CLDN8: variants seen among roughly 807,000 people sequenced by gnomAD.
CLDN8 encodes claudin-8.
A neutral mutation model predicts 2.2 loss-of-function variants in CLDN8; 2 were observed. The ratio of observed to expected loss-of-function variants is 0.90; its 90% CI spans 0.37 to 2.82. CLDN8 has a LOEUF of 2.82. CLDN8 is among the 30% of genes most tolerant of loss of function. The pLI is 0.10. For missense variants in CLDN8, 314 were observed against 280.5 expected, an observed-to-expected ratio of 1.12 and a Z score of -0.85; for synonymous variants, 107 against 104.8, an observed-to-expected ratio of 1.02 and a Z score of -0.13.
In CLDN8 at chr21:30,215,869, C is replaced by T. The variant is rs756482500; in HGVS notation, c.57G>A (p.Val19=). Residue 19 remains valine (V), a synonymous_variant, in exon 1 of 1, where the codon GTG becomes GTA. Coordinates refer to ENST00000399899, the MANE Select transcript of CLDN8 (RefSeq NM_199328.3). ...AGLFLGGVGM[V]GTVAVTVMPQ... ...GCATGACAGTGACAGCCACTGTGCC[C>T]ACCATTCCAACACCACCAAGAAACA... 2 of 1,613,406 alleles carry T rather than the reference C, an allele frequency of 1.2e-6. No individual in the cohort carries two copies. The highest frequency in any genetic ancestry group is 1.7e-6 in the Non-Finnish European group (2 of 1,179,602).
In CLDN8 at chr21:30,215,887, A is replaced by G; in HGVS notation, c.39T>C (p.Leu13=). 6.2e-7 allele frequency: 1 copy of G among 1,610,274 alleles called. No homozygotes were observed. Among genetic ancestry groups the G allele is most frequent in the Non-Finnish European group, 8.5e-7 (1 of 1,178,236 alleles). ...THALEIAGLF[L]GGVGMVGTVA... ...CTGTGCCCACCATTCCAACACCACCAAGAAACAGCCCAGCGATTTCTAAGG... is the reference window on the plus strand; with the variant it reads ...CTGTGCCCACCATTCCAACACCACCGAGAAACAGCCCAGCGATTTCTAAGG... Residue 13 remains leucine (L), a synonymous_variant, in exon 1 of 1, where the codon CTT becomes CTC. Coordinates refer to ENST00000399899, the MANE Select transcript of CLDN8 (RefSeq NM_199328.3).
chr21:30,215,068 A>C lies in CLDN8; in HGVS notation c.*180T>G. The C allele has an allele frequency of 1.7e-6, 1 of 586,850 alleles. No homozygotes were observed. The highest frequency in any genetic ancestry group is 2.3e-5 in the South Asian group (1 of 43,368). 36.4% of individuals were successfully genotyped at this position (586,850 alleles called of 1,614,324 possible). A position where few individuals can be genotyped will look rare whatever the true frequency, so the allele number is the denominator to read the frequency against. On this transcript the variant is annotated 3_prime_UTR_variant, in exon 1 of 1. Transcript: ENST00000399899. ...CTAGAACAATCAAAGCATTGGGTTT[A>C]ATATCTCATTCTGCTGAAATAGCTT... is the stretch of plus-strand genomic sequence containing the variant.
chr21:30,215,908 T>G lies in CLDN8; in HGVS notation c.18A>C (p.Leu6Phe). The change falls in exon 1 of 1, where the codon TTA (leucine) becomes TTC (phenylalanine). Residue 6 changes from leucine to phenylalanine, a missense_variant. Leu to Phe is a conservative substitution (Grantham distance 22). Transcript: ENST00000399899. MATHA[L>F]EIAGLFLGGV... ...CACCAAGAAACAGCCCAGCGATTTC[T>G]AAGGCATGGGTTGCCATTATCCTCT... The G allele has an allele frequency of 6.2e-7, 1 of 1,607,322 alleles. No individual in the cohort carries two copies. Among genetic ancestry groups the G allele is most frequent in the Non-Finnish European group, 8.5e-7 (1 of 1,176,322 alleles).
chr21:30,215,896 C>A lies in CLDN8; in HGVS notation c.30G>T (p.Gly10=), dbSNP rs1337945344. ...CCATTCCAACACCACCAAGAAACAG[C>A]CCAGCGATTTCTAAGGCATGGGTTG... MATHALEIA[G]LFLGGVGMVG... The change falls in exon 1 of 1, where the codon GGG becomes GGT. Residue 10 remains glycine, a synonymous_variant. Transcript: ENST00000399899. The A allele has an allele frequency of 4.3e-6, 7 of 1,609,492 alleles. No homozygotes were observed. The highest frequency in any genetic ancestry group is 5.1e-6 in the Non-Finnish European group (6 of 1,177,680).
In CLDN8 at chr21:30,214,149, A is replaced by G. The variant is rs1214385614; in HGVS notation, c.*1099T>C. ...AAATTTGGAATAAACAGAAAAATAC[A>G]GTATTTACAGATTTTAGTAAAACTA... On this transcript the variant is annotated 3_prime_UTR_variant, in exon 1 of 1. Transcript: ENST00000399899. 1 of 152,196 alleles carries G rather than the reference A, an allele frequency of 6.6e-6. No individual in the cohort carries two copies. Among genetic ancestry groups the G allele is most frequent in the African/African-American group, 2.4e-5 (1 of 41,470 alleles). The allele number at this position is 152,196 out of a possible 1,614,324, so 9.4% of individuals were successfully genotyped here. A position where few individuals can be genotyped will look rare whatever the true frequency, so the allele number is the denominator to read the frequency against.
Position 30,215,871 on chromosome 21 carries a change from C to T in CLDN8, c.55G>A (p.Val19Met). 6.2e-7 allele frequency: 1 copy of T among 1,613,442 alleles called. No individual in the cohort carries two copies. The change falls in exon 1 of 1, where the codon GTG becomes ATG. Residue 19 changes from valine to methionine, a missense_variant. Physicochemically the swap from Val to Met is conservative, Grantham distance 21. Transcript: ENST00000399899. ...AGLFLGGVGM[V>M]GTVAVTVMPQ... ...ATGACAGTGACAGCCACTGTGCCCACCATTCCAACACCACCAAGAAACAGC... is the reference window on the plus strand; with the variant it reads ...ATGACAGTGACAGCCACTGTGCCCATCATTCCAACACCACCAAGAAACAGC...
rs760500803 is a variant in CLDN8, at chr21:30,215,942, T to G, written c.-17A>C. 2.5e-6 allele frequency: 4 copies of G among 1,576,288 alleles called. No homozygotes were observed. In the South Asian group the frequency reaches 4.7e-5, roughly 18 times the overall value. On this transcript the variant is annotated 5_prime_UTR_variant, in exon 1 of 1. Coordinates refer to ENST00000399899, the MANE Select transcript of CLDN8 (RefSeq NM_199328.3). The stretch of plus-strand genomic sequence containing the variant: ...GGTTGCCATTATCCTCTGGGATGAG[T>G]TTTAGCCAGCTGGACTCCGGAACTG...
At position 30,215,476 on chromosome 21, in the gene CLDN8, G is replaced by T; in HGVS notation, c.450C>A (p.Asn150Lys). 6.2e-7 allele frequency: 1 copy of T among 1,614,024 alleles called. No individual in the cohort carries two copies. Among genetic ancestry groups the T allele is most frequent in the Non-Finnish European group, 8.5e-7 (1 of 1,179,964 alleles). The change falls in exon 1 of 1, where the codon AAC becomes AAA. Residue 150 changes from asparagine (N) to lysine (K), a missense_variant. By Grantham distance (94) the Asn-to-Lys change is moderately conservative (BLOSUM62 0). Coordinates refer to ENST00000399899, the MANE Select transcript of CLDN8 (RefSeq NM_199328.3). ...GTTTTTGGGCAACATTCACTATTGA[G>T]TTATAGAAATCTCTGATGATGGCAT... ...VANAIIRDFY[N>K]SIVNVAQKRE...
In CLDN8 at chr21:30,215,520, G is replaced by A; in HGVS notation, c.406C>T (p.Pro136Ser). 6.2e-7 allele frequency: 1 copy of A among 1,614,010 alleles called. No individual in the cohort carries two copies. The highest frequency in any genetic ancestry group is 8.5e-7 in the Non-Finnish European group (1 of 1,179,986). The change falls in exon 1 of 1, where the codon CCT becomes TCT. Residue 136 changes from proline to serine, a missense_variant. Coordinates refer to ENST00000399899, the MANE Select transcript of CLDN8 (RefSeq NM_199328.3). ...FIITGMVVLI[P>S]VSWVANAIIR... ...ATGGCATTGGCAACCCAGCTCACAG[G>A]GATGAGCACCACCATGCCCGTGATG...
Position 30,214,736 on chromosome 21 carries a change from A to G in CLDN8, c.*512T>C, listed in dbSNP as rs1978891600. 6.5e-6 allele frequency: 1 copy of G among 153,138 alleles called. No homozygotes were observed. Among genetic ancestry groups the G allele is most frequent in the Admixed American group, 6.5e-5 (1 of 15,334 alleles). The allele number at this position is 153,138 out of a possible 1,614,324, so 9.5% of individuals were successfully genotyped here. A position where few individuals can be genotyped will look rare whatever the true frequency, so the allele number is the denominator to read the frequency against. ...TTTTAATCTTCATTATAAATGGAGG[A>G]CATTAATCCCTAAGCTGTTTTTAAA... On this transcript the variant is annotated 3_prime_UTR_variant, in exon 1 of 1. Transcript: ENST00000399899.
In CLDN8 at chr21:30,215,333, G is replaced by C. The variant is rs756242497; in HGVS notation, c.593C>G (p.Ser198Trp). The part of the protein sequence containing the change: ...CNEKSSSYRY[S>W]IPSHRTTQKS... ...TTGGGTTGTGCGATGGGAAGGTATC[G>C]AGTATCTGTAGCTACTGCTCTTTTC... Residue 198 changes from serine (S) to tryptophan (W), a missense_variant, in exon 1 of 1, where the codon TCG becomes TGG. Ser to Trp is a radical substitution (Grantham distance 177). Coordinates refer to ENST00000399899, the MANE Select transcript of CLDN8 (RefSeq NM_199328.3). 1 of 1,614,118 alleles carries C rather than the reference G, an allele frequency of 6.2e-7. No individual in the cohort carries two copies. Among genetic ancestry groups the C allele is most frequent in the Non-Finnish European group, 8.5e-7 (1 of 1,180,012 alleles).
At position 30,215,009 on chromosome 21, in the gene CLDN8, T is replaced by A; in HGVS notation, c.*239A>T. 2.1e-6 allele frequency: 1 copy of A among 479,828 alleles called. No homozygotes were observed. The highest frequency in any genetic ancestry group is 3.7e-6 in the Non-Finnish European group (1 of 269,756). 29.7% of individuals were successfully genotyped at this position (479,828 alleles called of 1,614,324 possible). On this transcript the variant is annotated 3_prime_UTR_variant, in exon 1 of 1. Coordinates refer to ENST00000399899, the MANE Select transcript of CLDN8 (RefSeq NM_199328.3). ...AGTAAATGATAAAAAGAGTAGATGC[T>A]TGAACCACCTTAGAAAACAAATTAC...
rs1978954129 is a variant in CLDN8, at chr21:30,215,696, A to G, written c.230T>C (p.Leu77Pro). Residue 77 changes from leucine to proline, a missense_variant, in exon 1 of 1, where the codon CTA becomes CCA. Physicochemically the swap from Leu to Pro is moderately conservative, Grantham distance 98 (BLOSUM62 -3). Coordinates refer to ENST00000399899, the MANE Select transcript of CLDN8 (RefSeq NM_199328.3). ...YDSLLALSPD[L>P]QAARGLMCAA... is the part of the protein sequence containing the mutation. The stretch of plus-strand genomic sequence containing the variant: ...ACACATCAGTCCTCTGGCTGCCTGT[A>G]GGTCCGGAGAAAGAGCCAGCAGGGA... 6.2e-7 allele frequency: 1 copy of G among 1,614,050 alleles called. No homozygotes were observed. The highest frequency in any genetic ancestry group is 8.5e-7 in the Non-Finnish European group (1 of 1,180,032).
rs986413133 is a variant in CLDN8 at position 30,215,831 on chromosome 21, A to G, written c.95T>C (p.Val32Ala). ...GATGTTGTTTTCAATGAAGGCCGAC[A>G]CTCTCCACTGAGGCATGACAGTGAC... ...VAVTVMPQWR[V>A]SAFIENNIVV... The change falls in exon 1 of 1, where the codon GTG becomes GCG. Residue 32 changes from valine to alanine, a missense_variant. Transcript: ENST00000399899. 6.2e-7 allele frequency: 1 copy of G among 1,613,832 alleles called. No individual in the cohort carries two copies. Among genetic ancestry groups the G allele is most frequent in the African/African-American group, 1.3e-5 (1 of 74,952 alleles).
Position 30,215,320 on chromosome 21 carries a change from A to G in CLDN8, c.606T>C (p.His202=). The G allele has an allele frequency of 6.2e-7, 1 of 1,614,116 alleles. No homozygotes were observed. The highest frequency in any genetic ancestry group is 8.5e-7 in the Non-Finnish European group (1 of 1,180,004). Residue 202 remains histidine, a synonymous_variant, in exon 1 of 1, where the codon CAT becomes CAC. Transcript: ENST00000399899. ...SSSYRYSIPS[H]RTTQKSYHTG... Reference sequence around the variant, plus strand: ...TGTGATAACTTTTTTGGGTTGTGCGATGGGAAGGTATCGAGTATCTGTAGC... The same window carrying G: ...TGTGATAACTTTTTTGGGTTGTGCGGTGGGAAGGTATCGAGTATCTGTAGC...
chr21:30,214,730 T>G lies in CLDN8; in HGVS notation c.*518A>C, dbSNP rs1978891133. On this transcript the variant is annotated 3_prime_UTR_variant, in exon 1 of 1. Transcript: ENST00000399899. ...CCTTCATTTTAATCTTCATTATAAA[T>G]GGAGGACATTAATCCCTAAGCTGTT... 1 of 153,058 alleles carries G rather than the reference T, an allele frequency of 6.5e-6. No homozygotes were observed. Among genetic ancestry groups the G allele is most frequent in the Non-Finnish European group, 1.5e-5 (1 of 68,346 alleles). The allele number at this position is 153,058 out of a possible 1,614,324, so 9.5% of individuals were successfully genotyped here. A position where few individuals can be genotyped will look rare whatever the true frequency, so the allele number is the denominator to read the frequency against.
rs778285222 is a variant in CLDN8 at position 30,215,498 on chromosome 21, G to A, written c.428C>T (p.Ala143Val). 1.2e-6 allele frequency: 2 copies of A among 1,613,838 alleles called. No homozygotes were observed. The highest frequency in any genetic ancestry group is 1.7e-6 in the Non-Finnish European group (2 of 1,179,954). Residue 143 changes from alanine (A) to valine (V), a missense_variant, in exon 1 of 1, where the codon GCC (alanine) becomes GTC (valine). Ala to Val is a moderately conservative substitution (Grantham distance 64, BLOSUM62 0). Transcript: ENST00000399899. ...TGAGTTATAGAAATCTCTGATGATGGCATTGGCAACCCAGCTCACAGGGAT... is the reference window on the plus strand; with the variant it reads ...TGAGTTATAGAAATCTCTGATGATGACATTGGCAACCCAGCTCACAGGGAT... The part of the protein sequence containing the change: ...VLIPVSWVAN[A>V]IIRDFYNSIV...
chr21:30,215,773 C>A lies in CLDN8; in HGVS notation c.153G>T (p.Trp51Cys). Residue 51 changes from tryptophan (W) to cysteine (C), a missense_variant, in exon 1 of 1, where the codon TGG becomes TGT. By Grantham distance (215) the Trp-to-Cys change is radical. Transcript: ENST00000399899. ...VVFENFWEGL[W>C]MNCVRQANIR... ...TGTTAGCCTGCCTCACGCAATTCAT[C>A]CACAGTCCTTCCCAGAAGTTTTCAA... 1 of 1,614,086 alleles carries A rather than the reference C, an allele frequency of 6.2e-7. No homozygotes were observed. Among genetic ancestry groups the A allele is most frequent in the Non-Finnish European group, 8.5e-7 (1 of 1,180,018 alleles).
At position 30,216,015 on chromosome 21, in the gene CLDN8, T is replaced by C. The variant is rs1978974849; in HGVS notation, c.-90A>G. ...TTCTCTGTGCCACAGAAGAGAACAG[T>C]TTTTCCTGTAGTAATGAACTCGGAA... On this transcript the variant is annotated 5_prime_UTR_variant, in exon 1 of 1. Coordinates refer to ENST00000399899, the MANE Select transcript of CLDN8 (RefSeq NM_199328.3). 4.1e-6 allele frequency: 5 copies of C among 1,206,814 alleles called. No homozygotes were observed. Among genetic ancestry groups the C allele is most frequent in the African/African-American group, 1.5e-5 (1 of 65,798 alleles). The allele number at this position is 1,206,814 out of a possible 1,614,324, so 74.8% of individuals were successfully genotyped here. A position where few individuals can be genotyped will look rare whatever the true frequency, so the allele number is the denominator to read the frequency against.
Sources: gnomAD v4.1 joint callset for allele counts on GRCh38, gnomAD v4.1.1 for gene constraint, MANE v1.5 for transcripts, NCBI Gene and HGNC (gene_info 2026-07-23, HGNC 2026-07-21) for gene names.